The following GADL1 variants were observed in gnomAD, a reference collection of about 807,000 sequenced individuals.
The protein encoded by GADL1 is acidic amino acid decarboxylase GADL1.
GADL1 carries 71 observed loss-of-function variants against 69.5 expected under a neutral mutation model. The ratio of observed to expected loss-of-function variants is 1.02; its 90% CI spans 0.84 to 1.25. The LOEUF is 1.25. Among genes scored for constraint, GADL1 ranks in the 50% most tolerant of loss-of-function variants. The pLI is 0.00. For missense variants in GADL1, 737 were observed against 631.8 expected (o/e 1.17, Z -1.79); for synonymous variants, 254 against 214.4 (o/e 1.18, Z -1.62).
chr3:30,879,244 T>C (rs1375366733), intron 1 of GADL1, among the ~76,000 whole-genome samples: 1 of 151,948 alleles, frequency 6.6e-6, no homozygotes, highest in Non-Finnish European at 1.5e-5. Flanking sequence ...CTTTAGCTTT[T>C]GGTGATGGTA....
intron 11 of GADL1, among the ~76,000 whole-genome samples, chr3:30,814,054 G>A (rs1414688585): frequency 6.6e-6 from 1 of 152,150 alleles, no homozygotes; most frequent in Non-Finnish European, 1.5e-5. Context: ...CATTTATCGT[G>A]TGCTTACTAC....
At chr3:30,830,255 C>T (rs963858861) in intron 11 of GADL1, among the ~76,000 whole-genome samples, 1 of 151,794 alleles carries the variant, frequency 6.6e-6, no homozygotes, top group Admixed American at 6.6e-5. Context: ...CTGCAAAGTC[C>T]CCCCCTGCCA....
chr3:30,754,409 C>T (rs1695913319), intron 14 of GADL1, among the ~76,000 whole-genome samples: 2 of 152,174 alleles, frequency 1.3e-5, no homozygotes, highest in South Asian at 2.1e-4. Flanking sequence ...TATATTCAAC[C>T]ATAAGCCTTA....
intron 14 of GADL1, among the ~76,000 whole-genome samples, chr3:30,770,583 A>G (rs1257572946): frequency 7.4e-6 from 1 of 135,690 alleles, no homozygotes; most frequent in Non-Finnish European, 1.5e-5. Flanking sequence ...TCACAAGTGA[A>G]CAAGTGTTTA....
intron 14 of GADL1, among the ~76,000 whole-genome samples, chr3:30,750,441 C>A (rs949815416): frequency 6.6e-6 from 1 of 152,180 alleles, no homozygotes; most frequent in African/African-American, 2.4e-5. Context: ...CCACTGACAT[C>A]ACCGATACTG....
chr3:30,798,149 C>A (rs1697084791), intron 12 of GADL1: 1 of 152,224 alleles, frequency 6.6e-6, no homozygotes, highest in Non-Finnish European at 1.5e-5. Flanking sequence ...CTTTTCAGGT[C>A]CTTAATGTCA....
intron 14 of GADL1, among the ~76,000 whole-genome samples, chr3:30,772,861 G>C (rs940750024): frequency 1.3e-5 from 2 of 152,186 alleles, no homozygotes; most frequent in African/African-American, 4.8e-5. Flanking sequence ...AGGTGACAGA[G>C]TGAGACTCTG....
At chr3:30,876,884 G>A (rs1255881292) in intron 1 of GADL1, among the ~76,000 whole-genome samples, 3 of 151,868 alleles carry the variant, frequency 2.0e-5, no homozygotes, top group Non-Finnish European at 4.4e-5. Flanking sequence ...TACCCACAGT[G>A]AGAAATACCT....
chr3:30,888,593 C>T (rs534688382), intron 1 of GADL1, among the ~76,000 whole-genome samples: 38 of 152,026 alleles, frequency 2.5e-4, no homozygotes, highest in African/African-American at 4.8e-4. Context: ...CCAAGTGGGA[C>T]GCAATAGGGG....
At chr3:30,808,472 TG>T (rs956222628) in intron 11 of GADL1, among the ~76,000 whole-genome samples, 1 of 146,172 alleles carries the variant, frequency 6.8e-6, no homozygotes, top group African/African-American at 2.6e-5. Context: ...CACGCTGGCC[TG>T]GGCGACAGAG....
chr3:30,790,994 TAC>T (rs917769194), intron 12 of GADL1, among the ~76,000 whole-genome samples: 8 of 151,116 alleles, frequency 5.3e-5, no homozygotes, highest in African/African-American at 1.9e-4. Flanking sequence ...ATTCAATTTT[TAC>T]ACTTTTTTTT....
intron 4 of GADL1, 99 bp downstream of exon 4, chr3:30,854,600 C>A: frequency 1.4e-6 from 1 of 713,592 alleles, no homozygotes; most frequent in Non-Finnish European, 2.4e-6. Flanking sequence ...TGGCACTATG[C>A]AAAAGAAACC....
chr3:30,764,241 G>C (rs1016986664), intron 14 of GADL1, among the ~76,000 whole-genome samples: 5 of 151,812 alleles, frequency 3.3e-5, no homozygotes, highest in African/African-American at 1.2e-4. Flanking sequence ...TTTTAGATCC[G>C]AGTCATTTTC....
At chr3:30,815,390 G>C (rs537702186) in intron 11 of GADL1, among the ~76,000 whole-genome samples, 2 of 152,298 alleles carry the variant, frequency 1.3e-5, no homozygotes, top group South Asian at 4.1e-4. Context: ...ACAATTCTAG[G>C]TCTCCAGGTA....
chr3:30,830,816 A>G (rs1015925553), intron 11 of GADL1, among the ~76,000 whole-genome samples: 5 of 151,908 alleles, frequency 3.3e-5, no homozygotes, highest in Admixed American at 1.3e-4. Flanking sequence ...CAAATTTACT[A>G]TGAGCAGCAC....
chr3:30,762,787 G>C (rs1482782848), intron 14 of GADL1, among the ~76,000 whole-genome samples: 1 of 152,062 alleles, frequency 6.6e-6, no homozygotes, highest in African/African-American at 2.4e-5. Flanking sequence ...TATCTTTCTA[G>C]TCTCAATTGT....
chr3:30,875,552 T>C (rs1233108726), intron 1 of GADL1, among the ~76,000 whole-genome samples: 2 of 151,864 alleles, frequency 1.3e-5, no homozygotes, highest in Non-Finnish European at 2.9e-5. Context: ...CAACATACAA[T>C]AGTCATGCAG....
At chr3:30,797,484 C>A (rs1484271524) in intron 12 of GADL1, among the ~76,000 whole-genome samples, 2 of 152,108 alleles carry the variant, frequency 1.3e-5, no homozygotes, top group Non-Finnish European at 2.9e-5. Flanking sequence ...TGTATCAATT[C>A]CTTTAATCTT....
chr3:30,832,751 T>C (rs1697813283), intron 11 of GADL1, among the ~76,000 whole-genome samples: 1 of 152,064 alleles, frequency 6.6e-6, no homozygotes, highest in Non-Finnish European at 1.5e-5. Context: ...AAACTACCTT[T>C]TAGTTACAAA....
Sources: allele counts gnomAD v4.1 joint callset (sites outside exome capture counted in the v4.1 genomes callset), GRCh38; gene constraint gnomAD v4.1.1; transcripts MANE v1.5; gene names NCBI Gene and HGNC (gene_info 2026-07-23, HGNC 2026-07-21).